Variants in CHRNA7 observed in about 807,000 individuals in gnomAD.
The protein encoded by CHRNA7 is neuronal acetylcholine receptor subunit alpha-7.
In CHRNA7, 17 loss-of-function variants were observed where a neutral mutation model predicts 48.0. That is an observed-to-expected ratio of 0.35 (90% CI 0.24 to 0.53). CHRNA7 has a LOEUF of 0.53. CHRNA7 is among the 20% of genes least tolerant of loss of function. The pLI, the probability that CHRNA7 is intolerant of heterozygous loss-of-function variation, is 0.92. For missense variants in CHRNA7, 155 were observed against 577.7 expected (o/e 0.27, Z 7.50); for synonymous variants, 75 against 242.3 (o/e 0.31, Z 6.41).
chr15:32,067,644 T>G (rs2049987687), intron 2 of CHRNA7, among the ~76,000 whole-genome samples: 1 of 152,184 alleles, frequency 6.6e-6, no homozygotes, highest in Non-Finnish European at 1.5e-5. Flanking sequence ...TCATAACTCT[T>G]TTTTTCTCCT....
At position 32,143,554 on chromosome 15, in the gene CHRNA7, G is replaced by A. The variant is rs542523287; in HGVS notation, c.351-10353G>A. 2.0e-4 allele frequency among the ~76,000 whole-genome samples: 30 copies of A among 152,276 alleles called. No homozygotes were observed. In the South Asian group the frequency reaches 6.0e-3, roughly 30 times the overall value. On this transcript the variant is annotated intron_variant, in intron 4 of 9. Transcript: ENST00000306901. ...CCATTATTATTTTGTGGGAGTCTAA[G>A]TCTCTTTGTAGGTCTCTAAGGACTT... is the stretch of plus-strand genomic sequence containing the variant.
intron 2 of CHRNA7, among the ~76,000 whole-genome samples, chr15:32,068,118 C>G (rs1220776383): frequency 6.6e-6 from 1 of 151,906 alleles, no homozygotes; most frequent in Non-Finnish European, 1.5e-5. Flanking sequence ...TGGAGGCTAG[C>G]CTGGGTTACA....
chr15:32,037,833 T>C (rs1173147165), intron 2 of CHRNA7, among the ~76,000 whole-genome samples: 1 of 152,012 alleles, frequency 6.6e-6, no homozygotes, highest in Admixed American at 6.6e-5. Flanking sequence ...GTTTTCTACA[T>C]GAACGATCAT....
At position 32,047,371 on chromosome 15, in the gene CHRNA7, T is replaced by C. The variant is rs545568855; in HGVS notation, c.195+16334T>C. Among the ~76,000 whole-genome samples the C allele has an allele frequency of 7.7e-4, 117 of 151,122 alleles. 1 individual carries two copies. The highest frequency in any genetic ancestry group is 2.8e-3 in the African/African-American group (114 of 40,860). ...TTGAGCAGTGGTTTGTAGTTCTCCT[T>C]GAAGAGGTCCTTCACATCCCTTGTA... On this transcript the variant is annotated intron_variant, in intron 2 of 9. Transcript: ENST00000306901.
At chr15:32,039,452 G>A (rs1395996403) in intron 2 of CHRNA7, among the ~76,000 whole-genome samples, 1 of 152,068 alleles carries the variant, frequency 6.6e-6, no homozygotes, top group Non-Finnish European at 1.5e-5. Context: ...ATTTTGATAA[G>A]TTGTGTTTTC....
intron 4 of CHRNA7, among the ~76,000 whole-genome samples, chr15:32,116,164 T>C (rs542980144): frequency 8.5e-4 from 129 of 152,338 alleles, no homozygotes; most frequent in African/African-American, 2.9e-3. Context: ...AAATGCATCC[T>C]GTGTAAGCCC....
chr15:32,070,602 A>C (rs1432679783), intron 2 of CHRNA7, among the ~76,000 whole-genome samples: 1 of 143,606 alleles, frequency 7.0e-6, no homozygotes, highest in Non-Finnish European at 1.5e-5. Flanking sequence ...ATAGTTTAAC[A>C]TTCACATTTA....
intron 4 of CHRNA7, among the ~76,000 whole-genome samples, chr15:32,114,276 A>T (rs1461541987): frequency 6.6e-6 from 1 of 151,926 alleles, no homozygotes; most frequent in African/African-American, 2.4e-5. Context: ...AAAATGTTTG[A>T]TGATTCCAAA....
At chr15:32,041,622 G>A (rs765393402) in intron 2 of CHRNA7, among the ~76,000 whole-genome samples, 26 of 152,102 alleles carry the variant, frequency 1.7e-4, no homozygotes, top group Non-Finnish European at 7.4e-5. Flanking sequence ...TCTCCTTCTC[G>A]CATTCCCATC....
At chr15:32,136,842 T>C (rs1319658260) in intron 4 of CHRNA7, among the ~76,000 whole-genome samples, 3 of 146,784 alleles carry the variant, frequency 2.0e-5, no homozygotes, top group Middle Eastern at 3.5e-3. Flanking sequence ...CCATCCCGGC[T>C]AACACGGTGA....
At chr15:32,164,913 TAAAAAAAAAAAAAA>T (rs1164824394) in intron 9 of CHRNA7, among the ~76,000 whole-genome samples, 4 of 15,958 alleles carry the variant, frequency 2.5e-4, no homozygotes, top group African/African-American at 5.2e-4. Flanking sequence ...CTCCATCTCC[TAAAAAAAAAAAAAA>T]AAAAAAAAAA....
intron 2 of CHRNA7, among the ~76,000 whole-genome samples, chr15:32,048,730 C>CT (rs1566801992): frequency 6.6e-6 from 1 of 151,874 alleles, no homozygotes; most frequent in Non-Finnish European, 1.5e-5. Context: ...TGTGTTTGCT[C>CT]TTGCTTTTCT....
At chr15:32,131,456 C>G (rs1392294280) in intron 4 of CHRNA7, among the ~76,000 whole-genome samples, 1 of 152,076 alleles carries the variant, frequency 6.6e-6, no homozygotes, top group East Asian at 1.9e-4. Flanking sequence ...TATCTCCACT[C>G]TACTATTGAG....
At chr15:32,150,687 A>C (rs2051607684) in intron 4 of CHRNA7, among the ~76,000 whole-genome samples, 1 of 152,192 alleles carries the variant, frequency 6.6e-6, no homozygotes, top group African/African-American at 2.4e-5. Flanking sequence ...ATTCAAAGGA[A>C]CTAAAATATT....
rs2051583849 is a variant in CHRNA7, at chr15:32,149,808, C to G, written c.351-4099C>G. ...TTTTATCTTGTTTTTACCTGTTTGC[C>G]TTGTGATCTCAAGAGTCTCTTCAAT... On this transcript the variant is annotated intron_variant, in intron 4 of 9. Coordinates refer to ENST00000306901, the MANE Select transcript of CHRNA7 (RefSeq NM_000746.6). The surrounding 1 kb of genome is among the most constrained non-coding windows in gnomAD (Gnocchi z 4.6). 6.6e-6 allele frequency among the ~76,000 whole-genome samples: 1 copy of G among 151,696 alleles called. No individual in the cohort carries two copies. Among genetic ancestry groups the G allele is most frequent in the South Asian group, 2.1e-4 (1 of 4,822 alleles).
At chr15:32,059,194 G>A (rs1012648459) in intron 2 of CHRNA7, among the ~76,000 whole-genome samples, 5 of 152,104 alleles carry the variant, frequency 3.3e-5, no homozygotes, top group Non-Finnish European at 5.9e-5. Context: ...AGTAGAGATA[G>A]GGTTTTACCG....
chr15:32,033,117 T>C (rs1901923506), intron 2 of CHRNA7, among the ~76,000 whole-genome samples: 1 of 152,166 alleles, frequency 6.6e-6, no homozygotes, highest in African/African-American at 2.4e-5. Flanking sequence ...AGAAAGTTTA[T>C]CTCTCACCTT....
At chr15:32,077,320 C>A (rs1056816057) in intron 2 of CHRNA7, among the ~76,000 whole-genome samples, 2 of 152,140 alleles carry the variant, frequency 1.3e-5, no homozygotes, top group Non-Finnish European at 2.9e-5. Context: ...CCAAAGAGGG[C>A]AATTGCTGGA....
At chr15:32,049,052 A>C (rs1354277131) in intron 2 of CHRNA7, among the ~76,000 whole-genome samples, 4 of 142,778 alleles carry the variant, frequency 2.8e-5, no homozygotes, top group African/African-American at 5.6e-5. Context: ...TGCTGAGGAG[A>C]GCTTTACTTC....
Sources: allele counts gnomAD v4.1 joint callset (sites outside exome capture counted in the v4.1 genomes callset), GRCh38; gene constraint gnomAD v4.1.1; non-coding constraint Gnocchi (gnomAD v3.1); transcripts MANE v1.5; gene names NCBI Gene and HGNC (gene_info 2026-07-23, HGNC 2026-07-21).